Variants in DNAH12 observed in about 807,000 individuals in gnomAD.
DNAH12 encodes dynein axonemal heavy chain 12, also known as axonemal beta dynein heavy chain 12.
In DNAH12, 285 loss-of-function variants were observed where a neutral mutation model predicts 371.5. That is an observed-to-expected ratio of 0.77 (90% CI 0.70 to 0.85). The LOEUF (loss-of-function observed/expected upper bound fraction) is 0.85. Ranked by LOEUF, DNAH12 falls within the 40% of genes least tolerant of loss-of-function variation. The pLI, the probability that DNAH12 is intolerant of heterozygous loss-of-function variation, is 0.00. For synonymous variants in DNAH12, 1,200 were observed against 1,213.0 expected, an observed-to-expected ratio of 0.99 and a Z score of 0.22; for missense variants, 3,611 against 3,689.4, an observed-to-expected ratio of 0.98 and a Z score of 0.55.
chr3:57,466,891 G>A (rs745337163), intron 17 of DNAH12, among the ~76,000 whole-genome samples: 5 of 150,826 alleles, frequency 3.3e-5, no homozygotes, highest in Non-Finnish European at 4.4e-5. Context: ...GACTTCAGGT[G>A]TAGCTGAATT....
At chr3:57,553,151 TG>T in the DNAH12 span, among the ~76,000 whole-genome samples, 11 of 152,294 alleles carry the variant, frequency 7.2e-5, no homozygotes, top group Admixed American at 6.5e-4. Context: ...CACTCCAGCC[TG>T]GGCAAAAGGA....
intron 39 of DNAH12, among the ~76,000 whole-genome samples, chr3:57,411,812 T>C (rs2064215969): frequency 6.6e-6 from 1 of 152,150 alleles, no homozygotes; most frequent in Non-Finnish European, 1.5e-5. Flanking sequence ...AGTTATTTTT[T>C]GGATATTGAG....
At chr3:57,503,636 C>T (rs1368498939) in intron 9 of DNAH12, among the ~76,000 whole-genome samples, 1 of 152,112 alleles carries the variant, frequency 6.6e-6, no homozygotes, top group Non-Finnish European at 1.5e-5. Context: ...TTCCGCCTGC[C>T]TCGGCCTCCT....
intron 34 of DNAH12, chr3:57,428,286 A>G: frequency 2.1e-6 from 2 of 942,614 alleles, no homozygotes; most frequent in African/African-American, 1.8e-5. Context: ...AGCTAATACA[A>G]TATGTAAAGT....
intron 62 of DNAH12, among the ~76,000 whole-genome samples, chr3:57,327,729 T>TA (rs2061985168): frequency 1.3e-5 from 2 of 150,958 alleles, no homozygotes; most frequent in South Asian, 4.2e-4. Context: ...CTGAAGGAAA[T>TA]AGAGACACAA....
intron 11 of DNAH12, chr3:57,498,651 G>A (rs915701900): frequency 1.0e-5 from 7 of 696,460 alleles, no homozygotes; most frequent in Admixed American, 6.4e-5. Flanking sequence ...CCATCAAAAC[G>A]TGAATGAATA....
At chr3:57,295,247 A>G (rs60701868) in intron 73 of DNAH12, among the ~76,000 whole-genome samples, 28,574 of 152,144 alleles carry the variant, frequency 0.19, 3,005 homozygotes, top group African/African-American at 0.25. Context: ...CAGCTGTTCA[A>G]TCTGTGAACC....
chr3:57,555,754 A>C, the DNAH12 span, among the ~76,000 whole-genome samples: 2 of 152,250 alleles, frequency 1.3e-5, no homozygotes, highest in African/African-American at 4.8e-5. Context: ...GTTATTGTAT[A>C]TCGTTCGTTG....
chr3:57,542,996 C>T (rs900356465), intron 1 of DNAH12, 93 bp from the exon 2 acceptor site: 5 of 962,760 alleles, frequency 5.2e-6, no homozygotes, highest in East Asian at 2.9e-5. Flanking sequence ...AAGTAAAATT[C>T]TAGACACTTT....
chr3:57,503,752 CT>C (rs2067645565), intron 9 of DNAH12, among the ~76,000 whole-genome samples: 1 of 152,076 alleles, frequency 6.6e-6, no homozygotes, highest in South Asian at 2.1e-4. Flanking sequence ...TCAATTAGAT[CT>C]TGTTCTTAAG....
At chr3:57,369,471 A>G (rs1388087781) in intron 55 of DNAH12, among the ~76,000 whole-genome samples, 5 of 151,402 alleles carry the variant, frequency 3.3e-5, no homozygotes, top group African/African-American at 7.3e-5. Context: ...CCCTTTCCCT[A>G]TGAATAAGCT....
At chr3:57,427,723 AG>A (rs1235792067) in intron 34 of DNAH12, among the ~76,000 whole-genome samples, 3 of 152,036 alleles carry the variant, frequency 2.0e-5, no homozygotes, top group Non-Finnish European at 2.9e-5. Flanking sequence ...AATAAAAAGA[AG>A]GCCATGTGAA....
At chr3:57,362,289 C>T (rs960870194) in intron 58 of DNAH12, among the ~76,000 whole-genome samples, 1 of 152,238 alleles carries the variant, frequency 6.6e-6, no homozygotes, top group African/African-American at 2.4e-5. Context: ...GGGTTGGTTC[C>T]AAGTCTTTGC....
At chr3:57,302,567 ATTTTTTTT>A (rs71088056) in intron 69 of DNAH12, among the ~76,000 whole-genome samples, 3 of 27,482 alleles carry the variant, frequency 1.1e-4, no homozygotes, top group Non-Finnish European at 1.9e-4. Flanking sequence ...ATATATATGT[ATTTTTTTT>A]TTTTTTTTTT....
chr3:57,335,136 C>G (rs1393651027), intron 60 of DNAH12, among the ~76,000 whole-genome samples, 196 bp from the exon 61 acceptor site: 1 of 152,098 alleles, frequency 6.6e-6, no homozygotes, highest in Non-Finnish European at 1.5e-5. Context: ...GGACTGTGGC[C>G]TCTGAGAGAA....
intron 32 of DNAH12, among the ~76,000 whole-genome samples, chr3:57,431,285 T>C (rs989344541): frequency 6.6e-6 from 1 of 152,172 alleles, no homozygotes; most frequent in Non-Finnish European, 1.5e-5. Flanking sequence ...CCTTGGGACA[T>C]GGCCTAATCT....
chr3:57,501,400 T>C lies in DNAH12; in HGVS notation c.1256A>G (p.Asn419Ser). 1 of 1,584,726 alleles carries C rather than the reference T, an allele frequency of 6.3e-7. No individual in the cohort carries two copies. Among genetic ancestry groups the C allele is most frequent in the Non-Finnish European group, 8.5e-7 (1 of 1,172,352 alleles). The change falls in exon 11 of 74, where the codon AAT becomes AGT. Residue 419 changes from asparagine (N) to serine (S), a missense_variant. Transcript: ENST00000495027. Reference sequence around the variant, plus strand: ...AACTGCAGTCCCATCAAGGAGCCAATTATATTTTTCAACTGAAAATTAATA... The same window carrying C: ...AACTGCAGTCCCATCAAGGAGCCAACTATATTTTTCAACTGAAAATTAATA... ...KHYETYVEKYNWLLDGTAVEN... is the reference protein window; with the variant it reads ...KHYETYVEKYSWLLDGTAVEN...
chr3:57,426,265 T>TA (rs2064764936), intron 34 of DNAH12, among the ~76,000 whole-genome samples: 1 of 152,172 alleles, frequency 6.6e-6, no homozygotes, highest in South Asian at 2.1e-4. Context: ...AAGGTTTTTA[T>TA]ATGCTGTATT....
intron 34 of DNAH12, among the ~76,000 whole-genome samples, chr3:57,426,080 G>A (rs956871136): frequency 6.6e-6 from 1 of 152,114 alleles, no homozygotes; most frequent in Admixed American, 6.5e-5. Context: ...GAAGGAAAAT[G>A]TAAGTTTGCC....
Sources: allele counts gnomAD v4.1 joint callset (sites outside exome capture counted in the v4.1 genomes callset), GRCh38; gene constraint gnomAD v4.1.1; transcripts MANE v1.5; gene names NCBI Gene and HGNC (gene_info 2026-07-23, HGNC 2026-07-21).